Variants in PLCL1 observed in about 807,000 individuals in gnomAD.
The protein encoded by PLCL1 is phospholipase C like 1 (inactive).
A neutral mutation model predicts 84.4 loss-of-function variants in PLCL1; 41 were observed. That is an observed-to-expected ratio of 0.49 (90% CI 0.38 to 0.63). The LOEUF (loss-of-function observed/expected upper bound fraction) is 0.63, where lower values mean the gene tolerates loss of function less well. Ranked by LOEUF, PLCL1 falls within the 30% of genes least tolerant of loss-of-function variation. The probability of loss-of-function intolerance (pLI) is 0.00; values close to 1 mark genes in which losing one functional copy is unlikely to be tolerated. For missense variants in PLCL1, 1,206 were observed against 1,367.8 expected, an observed-to-expected ratio of 0.88 and a Z score of 1.87; for synonymous variants, 490 against 488.3, an observed-to-expected ratio of 1.00 and a Z score of -0.05.
chr2:198,085,574 T>G lies in PLCL1; in HGVS notation c.2057T>G (p.Leu686Arg). ...ATGGACCTTCACACGGGCTGGTTTC[T>G]TCAAAACGGGGGATGTGGTTATGTT... is the stretch of plus-strand genomic sequence containing the variant. The part of the protein sequence containing the change: ...PMMDLHTGWF[L>R]QNGGCGYVLR... The change falls in exon 2 of 6, where the codon CTT (leucine) becomes CGT (arginine). Residue 686 changes from leucine (L) to arginine (R), a missense_variant. Physicochemically the swap from Leu to Arg is moderately radical, Grantham distance 102. Coordinates refer to ENST00000428675, the MANE Select transcript of PLCL1 (RefSeq NM_006226.4). This position sits in a 1 kb window ranked among gnomAD's most constrained non-coding sequence, Gnocchi z 5.3. 6.2e-7 allele frequency: 1 copy of G among 1,614,180 alleles called. No homozygotes were observed. The highest frequency in any genetic ancestry group is 8.5e-7 in the Non-Finnish European group (1 of 1,180,016).
At chr2:197,955,588 T>A (rs957787624) in intron 1 of PLCL1, among the ~76,000 whole-genome samples, 2 of 151,682 alleles carry the variant, frequency 1.3e-5, no homozygotes, top group Admixed American at 6.6e-5. Flanking sequence ...CCTCTCTGTG[T>A]CCAAGTGTTC....
At chr2:198,113,238 G>A (rs1161971701) in intron 5 of PLCL1, among the ~76,000 whole-genome samples, 1 of 151,916 alleles carries the variant, frequency 6.6e-6, no homozygotes, top group African/African-American at 2.4e-5. Context: ...TATAAATAAG[G>A]AAGTGCAATG....
At chr2:198,115,015 GC>G (rs1366477434) in intron 5 of PLCL1, among the ~76,000 whole-genome samples, 3 of 151,800 alleles carry the variant, frequency 2.0e-5, no homozygotes, top group African/African-American at 7.2e-5. Flanking sequence ...CATTTGAAAG[GC>G]CAGGCAGAAA....
chr2:198,085,021 G>A lies in PLCL1; in HGVS notation c.1504G>A (p.Val502Ile). The change falls in exon 2 of 6, where the codon GTA becomes ATA. Residue 502 changes from valine (V) to isoleucine (I), a missense_variant. Physicochemically the swap from Val to Ile is conservative, Grantham distance 29. Coordinates refer to ENST00000428675, the MANE Select transcript of PLCL1 (RefSeq NM_006226.4). The surrounding 1 kb of genome is among the most constrained non-coding windows in gnomAD (Gnocchi z 5.3). Reference protein sequence around the residue: ...GNHCSLPQQKVMAQQMKKVFG... With the variant: ...GNHCSLPQQKIMAQQMKKVFG... The stretch of plus-strand genomic sequence containing the variant: ...TCACTGCTCCTTGCCGCAGCAGAAG[G>A]TAATGGCTCAACAGATGAAAAAGGT... The A allele has an allele frequency of 6.2e-7, 1 of 1,613,996 alleles. No homozygotes were observed.
intron 1 of PLCL1, among the ~76,000 whole-genome samples, chr2:197,984,145 G>A (rs762440728): frequency 3.9e-5 from 6 of 152,092 alleles, no homozygotes; most frequent in African/African-American, 9.7e-5. Context: ...TGTGGAAAAC[G>A]GGTACTTTCC....
In PLCL1 at chr2:197,899,837, G is replaced by A. The variant is rs556217814; in HGVS notation, c.240+94498G>A. On this transcript the variant is annotated intron_variant, in intron 1 of 5. Transcript: ENST00000428675. ...TTTTTAGTAGAGACGGGGTTTCACC[G>A]TGTTAGCCAGGATGGTCTCGATCTC... Among the ~76,000 whole-genome samples, 11 of 151,596 alleles carry A rather than the reference G, an allele frequency of 7.3e-5. No homozygotes were observed. In the East Asian group the frequency reaches 1.9e-3, roughly 27 times the overall value.
chr2:197,989,128 T>TA (rs1690282821), intron 1 of PLCL1, among the ~76,000 whole-genome samples: 1 of 152,132 alleles, frequency 6.6e-6, no homozygotes, highest in Non-Finnish European at 1.5e-5. Context: ...TAAAACAAAA[T>TA]ATTTGATGAA....
intron 1 of PLCL1, among the ~76,000 whole-genome samples, chr2:197,971,186 C>G (rs2105797394): frequency 6.6e-6 from 1 of 152,304 alleles, no homozygotes. Context: ...TTAAATTAGG[C>G]CCCTTTGCAT....
At chr2:198,051,174 G>T (rs1299443162) in intron 1 of PLCL1, among the ~76,000 whole-genome samples, 3 of 152,098 alleles carry the variant, frequency 2.0e-5, no homozygotes, top group African/African-American at 7.2e-5. Flanking sequence ...CTGAAAAATG[G>T]ATAACAAGAG....
chr2:197,890,251 G>GA (rs1448468042), intron 1 of PLCL1, among the ~76,000 whole-genome samples: 6 of 152,156 alleles, frequency 3.9e-5, no homozygotes, highest in South Asian at 4.1e-4. Context: ...GTTCTTATTA[G>GA]AAAAGTGTTA....
At chr2:198,073,546 T>G (rs1233276037) in intron 1 of PLCL1, among the ~76,000 whole-genome samples, 10 of 152,236 alleles carry the variant, frequency 6.6e-5, no homozygotes, top group Admixed American at 6.5e-4. Context: ...ATCTCTATGA[T>G]AGCTAGTCCC....
chr2:198,125,629 A>G (rs1693967146), intron 5 of PLCL1, among the ~76,000 whole-genome samples: 1 of 152,176 alleles, frequency 6.6e-6, no homozygotes, highest in Admixed American at 6.5e-5. Context: ...CTTGAAGGTG[A>G]CATTAGTAGA....
intron 1 of PLCL1, among the ~76,000 whole-genome samples, chr2:197,884,890 A>AT (rs1687889853): frequency 1.3e-5 from 2 of 152,184 alleles, no homozygotes; most frequent in African/African-American, 4.8e-5. Context: ...CCTAAAAAAA[A>AT]AAAATTGAGA....
chr2:197,831,633 T>C (rs534941016), intron 1 of PLCL1, among the ~76,000 whole-genome samples: 1 of 152,294 alleles, frequency 6.6e-6, no homozygotes, highest in East Asian at 1.9e-4. Context: ...TTAACAAATA[T>C]ATTCAGGACT....
At chr2:198,136,962 G>A (rs1033144636) in intron 5 of PLCL1, among the ~76,000 whole-genome samples, 1 of 152,100 alleles carries the variant, frequency 6.6e-6, no homozygotes, top group African/African-American at 2.4e-5. Flanking sequence ...GAAGACAAAA[G>A]TTAGAAATCA....
At chr2:197,935,820 C>T (rs1205142384) in intron 1 of PLCL1, among the ~76,000 whole-genome samples, 4 of 152,086 alleles carry the variant, frequency 2.6e-5, no homozygotes, top group African/African-American at 4.8e-5. Context: ...TATTACAGAC[C>T]ATAGTCACCA....
intron 1 of PLCL1, among the ~76,000 whole-genome samples, chr2:198,027,192 C>T (rs1005121224): frequency 6.6e-6 from 1 of 152,076 alleles, no homozygotes; most frequent in Non-Finnish European, 1.5e-5. Flanking sequence ...AAAAGGAAAT[C>T]ATGTCATTTG....
chr2:197,905,035 GTCT>G (rs1451372739), intron 1 of PLCL1, among the ~76,000 whole-genome samples: 1 of 152,066 alleles, frequency 6.6e-6, no homozygotes, highest in South Asian at 2.1e-4. Context: ...GCATTTTGTT[GTCT>G]TCTTGCACAA....
intron 1 of PLCL1, among the ~76,000 whole-genome samples, chr2:197,886,976 C>T (rs1399344270): frequency 2.6e-5 from 4 of 152,150 alleles, no homozygotes; most frequent in African/African-American, 9.7e-5. Flanking sequence ...ATCTAATTGG[C>T]TCCTCACATC....
Sources: allele counts gnomAD v4.1 joint callset (sites outside exome capture counted in the v4.1 genomes callset), GRCh38; gene constraint gnomAD v4.1.1; non-coding constraint Gnocchi (gnomAD v3.1); transcripts MANE v1.5; gene names NCBI Gene and HGNC (gene_info 2026-07-23, HGNC 2026-07-21).